The following FHIT variants were observed in gnomAD, a reference collection of about 807,000 sequenced individuals.
FHIT encodes bis(5'-adenosyl)-triphosphatase.
A neutral mutation model predicts 17.9 loss-of-function variants in FHIT; 19 were observed. The ratio of observed to expected loss-of-function variants is 1.06; its 90% CI spans 0.74 to 1.56. The LOEUF (loss-of-function observed/expected upper bound fraction) is 1.56. Among genes scored for constraint, FHIT ranks in the 40% most tolerant of loss-of-function variants. The pLI is 0.00. For missense variants in FHIT, 248 were observed against 189.2 expected, an observed-to-expected ratio of 1.31 and a Z score of -1.82; for synonymous variants, 81 against 69.7, an observed-to-expected ratio of 1.16 and a Z score of -0.81.
Position 60,836,145 on chromosome 3 carries a change from G to A in FHIT, c.-110-14134C>T, listed in dbSNP as rs367705605. Among the ~76,000 whole-genome samples, 23 of 152,208 alleles carry A rather than the reference G, an allele frequency of 1.5e-4. 1 individual carries two copies. Among genetic ancestry groups the A allele is most frequent in the Admixed American group, 2.6e-4 (4 of 15,288 alleles). On this transcript the variant is annotated intron_variant, in intron 3 of 9. Transcript: ENST00000492590. ...CTGCTGGACTAGACTCCATTTCGTC[G>A]TGGTATATTATTCTTTTAGCCTGAA...
chr3:60,308,520 A>G (rs200925202), intron 5 of FHIT, among the ~76,000 whole-genome samples: 5 of 121,226 alleles, frequency 4.1e-5, no homozygotes, highest in Admixed American at 8.5e-5. Flanking sequence ...ATATATATAT[A>G]TATATATATG....
intron 5 of FHIT, among the ~76,000 whole-genome samples, chr3:60,535,232 C>T (rs1332220734): frequency 6.6e-6 from 1 of 151,732 alleles, no homozygotes; most frequent in Non-Finnish European, 1.5e-5. Context: ...TCAAAAGGAA[C>T]AACAACAAAA....
intron 5 of FHIT, among the ~76,000 whole-genome samples, chr3:60,531,946 T>C (rs1369828703): frequency 6.6e-6 from 1 of 152,226 alleles, no homozygotes; most frequent in Non-Finnish European, 1.5e-5. Context: ...GCCAACTTTT[T>C]ATTTCTAATG....
chr3:60,984,492 A>G (rs1383047217), intron 3 of FHIT, among the ~76,000 whole-genome samples: 2 of 152,164 alleles, frequency 1.3e-5, no homozygotes, highest in Admixed American at 6.6e-5. Context: ...GTGCTATCAT[A>G]TGGTACCAAG....
At chr3:60,243,949 G>A (rs529075430) in intron 5 of FHIT, among the ~76,000 whole-genome samples, 2 of 152,136 alleles carry the variant, frequency 1.3e-5, no homozygotes, top group Admixed American at 6.6e-5. Context: ...GAATCCTGAC[G>A]TTACCATCAT....
chr3:60,317,662 C>G (rs1009480189), intron 5 of FHIT, among the ~76,000 whole-genome samples: 51 of 143,916 alleles, frequency 3.5e-4, no homozygotes, highest in African/African-American at 1.3e-3. Context: ...TAATATTTTC[C>G]CCATTAACAA....
chr3:60,087,672 A>G (rs995037696), intron 5 of FHIT, among the ~76,000 whole-genome samples: 2 of 152,182 alleles, frequency 1.3e-5, no homozygotes, highest in Admixed American at 6.5e-5. Context: ...GATGCAGCCA[A>G]GTTATTTGCT....
chr3:60,085,390 A>T (rs185193842), intron 5 of FHIT, among the ~76,000 whole-genome samples: 6 of 152,084 alleles, frequency 3.9e-5, no homozygotes, highest in African/African-American at 7.2e-5. Flanking sequence ...CACTTACATT[A>T]TATCTTCCCT....
rs541394466 is a variant in FHIT, at chr3:61,029,471, C to A, written c.-111+12576G>T. ...GGGAATCTGATTTAGCCGGCTAGCT[C>A]AGATAATAGGAGGATGCAAAACTAA... is the stretch of plus-strand genomic sequence containing the variant. On this transcript the variant is annotated intron_variant, in intron 3 of 9. Coordinates refer to ENST00000492590, the MANE Select transcript of FHIT (RefSeq NM_002012.4). Among the ~76,000 whole-genome samples the A allele has an allele frequency of 5.3e-5, 8 of 152,216 alleles. No homozygotes were observed. The East Asian group carries it at 1.5e-3, about 29-fold the overall frequency.
chr3:60,243,217 G>A (rs1047821873), intron 5 of FHIT, among the ~76,000 whole-genome samples: 2 of 152,030 alleles, frequency 1.3e-5, no homozygotes, highest in African/African-American at 2.4e-5. Context: ...ATAACTATCT[G>A]GTTAAGTGGT....
At chr3:60,363,616 T>C (rs1483470439) in intron 5 of FHIT, among the ~76,000 whole-genome samples, 1 of 152,246 alleles carries the variant, frequency 6.6e-6, no homozygotes, top group South Asian at 2.1e-4. Flanking sequence ...TAGCTAGAAC[T>C]TGAGCCCACT....
intron 1 of FHIT, among the ~76,000 whole-genome samples, chr3:61,226,746 C>T (rs1198585536): frequency 6.6e-6 from 1 of 152,228 alleles, no homozygotes; most frequent in Non-Finnish European, 1.5e-5. Flanking sequence ...AGTGTCCATA[C>T]ATACACAAAT....
intron 1 of FHIT, among the ~76,000 whole-genome samples, chr3:61,212,394 G>A (rs1201394795): frequency 2.0e-5 from 3 of 152,172 alleles, no homozygotes; most frequent in Non-Finnish European, 4.4e-5. Flanking sequence ...CTGGAAGAAA[G>A]GGTATCAATG....
At chr3:60,576,456 A>G (rs971579768) in intron 4 of FHIT, among the ~76,000 whole-genome samples, 5 of 152,178 alleles carry the variant, frequency 3.3e-5, no homozygotes, top group Non-Finnish European at 7.3e-5. Flanking sequence ...TTAGGATTCA[A>G]TAACACGTAA....
chr3:60,231,750 T>C (rs1358972651), intron 5 of FHIT, among the ~76,000 whole-genome samples: 3 of 152,188 alleles, frequency 2.0e-5, no homozygotes, highest in African/African-American at 4.8e-5. Context: ...GATGAGCACA[T>C]TGATGTGTAA....
intron 4 of FHIT, among the ~76,000 whole-genome samples, chr3:60,721,437 A>G (rs1203385986): frequency 1.3e-5 from 2 of 152,208 alleles, no homozygotes; most frequent in African/African-American, 4.8e-5. Context: ...TTGAAAAACA[A>G]CATAGAATGC....
intron 5 of FHIT, among the ~76,000 whole-genome samples, chr3:60,155,493 G>A (rs919941868): frequency 6.6e-6 from 1 of 152,090 alleles, no homozygotes; most frequent in African/African-American, 2.4e-5. Context: ...CCCCAATTCT[G>A]ACAATAACAC....
chr3:60,744,373 G>A (rs1301806950), intron 4 of FHIT, among the ~76,000 whole-genome samples: 1 of 151,660 alleles, frequency 6.6e-6, no homozygotes, highest in Non-Finnish European at 1.5e-5. Context: ...TAGGCAGATA[G>A]CATGCAGACA....
At chr3:60,859,216 G>C (rs1703513343) in intron 3 of FHIT, among the ~76,000 whole-genome samples, 1 of 152,166 alleles carries the variant, frequency 6.6e-6, no homozygotes, top group Admixed American at 6.6e-5. Context: ...AAGCAGACCT[G>C]TGTTCATCTC....
Sources: allele counts gnomAD v4.1 joint callset (sites outside exome capture counted in the v4.1 genomes callset), GRCh38; gene constraint gnomAD v4.1.1; transcripts MANE v1.5; gene names NCBI Gene and HGNC (gene_info 2026-07-23, HGNC 2026-07-21).